PRKN: variants seen among roughly 807,000 people sequenced by gnomAD.
PRKN encodes the protein E3 ubiquitin-protein ligase parkin.
A neutral mutation model predicts 59.5 loss-of-function variants in PRKN; 56 were observed. The ratio of observed to expected loss-of-function variants is 0.94; its 90% CI spans 0.76 to 1.18. PRKN has a LOEUF of 1.18. Ranked by LOEUF, PRKN falls within the 50% of genes most tolerant of loss-of-function variation. PRKN has a pLI of 0.00. For synonymous variants in PRKN, 250 were observed against 222.1 expected (o/e 1.13, Z -1.12); for missense variants, 657 against 596.4 (o/e 1.10, Z -1.06).
intron 3 of PRKN, among the ~76,000 whole-genome samples, chr6:162,204,865 T>C (rs369018775): frequency 1.3e-5 from 2 of 151,682 alleles, no homozygotes; most frequent in Non-Finnish European, 2.9e-5. Flanking sequence ...TTTTTTTTTT[T>C]TCTTTTTTCT....
Position 161,502,305 on chromosome 6 carries a change from A to C in PRKN, c.1083+46549T>G, listed in dbSNP as rs1777992574. Among the ~76,000 whole-genome samples the C allele has an allele frequency of 6.6e-6, 1 of 152,204 alleles. No homozygotes were observed. Among genetic ancestry groups the C allele is most frequent in the Non-Finnish European group, 1.5e-5 (1 of 68,038 alleles). On this transcript the variant is annotated intron_variant, in intron 9 of 11. Transcript: ENST00000366898. The surrounding 1 kb of genome is among the most constrained non-coding windows in gnomAD (Gnocchi z 4.0). ...TAAAGAGATTAAGACGCTGTCAACC[A>C]AGCCAATAACAATATTTTCTCTAAG...
In PRKN at chr6:161,349,517, A is replaced by G. The variant is rs1784439483; in HGVS notation, c.*582T>C. 4.3e-6 allele frequency: 1 copy of G among 233,652 alleles called. No homozygotes were observed. Among genetic ancestry groups the G allele is most frequent in the Admixed American group, 5.5e-5 (1 of 18,032 alleles). The allele number at this position is 233,652 out of a possible 1,614,324, so 14.5% of individuals were successfully genotyped here. ...TAAGGATAAACAAATGTTTTTGACT[A>G]TTGCCTGGGGTTCTTTGGGAATAGA... On this transcript the variant is annotated 3_prime_UTR_variant, in exon 12 of 12. Transcript: ENST00000366898. This position sits in a 1 kb window ranked among gnomAD's most constrained non-coding sequence, Gnocchi z 5.5.
At chr6:161,541,682 G>T (rs1054087547) in intron 9 of PRKN, among the ~76,000 whole-genome samples, 1 of 152,098 alleles carries the variant, frequency 6.6e-6, no homozygotes, top group Non-Finnish European at 1.5e-5. Flanking sequence ...TTAGCTGGGC[G>T]TAGTGGCACG....
In PRKN at chr6:162,578,754, T is replaced by C. The variant is rs527481899; in HGVS notation, c.8-135281A>G. ...ATAGTATATTTTAAGGGCTGTTCAT[T>C]TGACTGCATTTGGTTCATTTAAATT... On this transcript the variant is annotated intron_variant, in intron 1 of 11. Coordinates refer to ENST00000366898, the MANE Select transcript of PRKN (RefSeq NM_004562.3). Among the ~76,000 whole-genome samples the C allele has an allele frequency of 3.3e-5, 5 of 152,350 alleles. No homozygotes were observed. The South Asian group carries it at 1.0e-3, about 32-fold the overall frequency.
Position 161,593,560 on chromosome 6 carries a change from G to C in PRKN, c.872-24144C>G, listed in dbSNP as rs1781801854. Reference sequence around the variant, plus strand: ...GGTGATGGCACCTGGGGGCTGGAAGGTGAGGCCAGCAGGTCTTGCTGGTGG... The same window carrying C: ...GGTGATGGCACCTGGGGGCTGGAAGCTGAGGCCAGCAGGTCTTGCTGGTGG... On this transcript the variant is annotated intron_variant, in intron 7 of 11. Coordinates refer to ENST00000366898, the MANE Select transcript of PRKN (RefSeq NM_004562.3). This position sits in a 1 kb window ranked among gnomAD's most constrained non-coding sequence, Gnocchi z 4.8. Among the ~76,000 whole-genome samples the C allele has an allele frequency of 6.6e-6, 1 of 152,152 alleles. No individual in the cohort carries two copies. Among genetic ancestry groups the C allele is most frequent in the Non-Finnish European group, 1.5e-5 (1 of 68,030 alleles).
rs1359036048 is a variant in PRKN at position 161,550,765 on chromosome 6, G to A, written c.934-1762C>T. 1.3e-5 allele frequency among the ~76,000 whole-genome samples: 2 copies of A among 151,292 alleles called. No individual in the cohort carries two copies. Among genetic ancestry groups the A allele is most frequent in the Admixed American group, 6.6e-5 (1 of 15,188 alleles). Reference sequence around the variant, plus strand: ...TGTGTGTGTGTGTGTGTGTGTGTAGGGAGTTGAGGCATGAAATAATTATTT... The same window carrying A: ...TGTGTGTGTGTGTGTGTGTGTGTAGAGAGTTGAGGCATGAAATAATTATTT... On this transcript the variant is annotated intron_variant, in intron 8 of 11. Transcript: ENST00000366898. This position sits in a 1 kb window ranked among gnomAD's most constrained non-coding sequence, Gnocchi z 4.0.
At position 161,475,559 on chromosome 6, in the gene PRKN, C is replaced by T. The variant is rs7757746; in HGVS notation, c.1083+73295G>A. Among the ~76,000 whole-genome samples the T allele has an allele frequency of 0.077, 11,644 of 152,112 alleles. 652 individuals carry two copies. The highest frequency in any genetic ancestry group is 0.16 in the African/African-American group (6,579 of 41,476). ...CGCTCTGTGGCCCAGGCTGGAGTGC[C>T]GCGGTGCAATACAACTTGCCGCAGT... On this transcript the variant is annotated intron_variant, in intron 9 of 11. Transcript: ENST00000366898. The surrounding 1 kb of genome is among the most constrained non-coding windows in gnomAD (Gnocchi z 5.3).
chr6:162,256,514 G>A (rs1389817027), intron 3 of PRKN, among the ~76,000 whole-genome samples: 1 of 151,992 alleles, frequency 6.6e-6, no homozygotes, highest in Non-Finnish European at 1.5e-5. Context: ...TGCATTTTTG[G>A]CAGACTCTGC....
intron 6 of PRKN, among the ~76,000 whole-genome samples, chr6:161,805,479 C>CACAT (rs67554252): frequency 1.6e-3 from 7 of 4,500 alleles, no homozygotes; most frequent in African/African-American, 1.7e-3. Context: ...CACACACACA[C>CACAT]ATGCATGTAC....
intron 2 of PRKN, among the ~76,000 whole-genome samples, chr6:162,426,345 A>G (rs1297978046): frequency 6.6e-6 from 1 of 152,258 alleles, no homozygotes; most frequent in Non-Finnish European, 1.5e-5. Flanking sequence ...TCATGGGAAT[A>G]CACAACAGGT....
chr6:162,615,916 A>G (rs1583913429), intron 1 of PRKN, among the ~76,000 whole-genome samples: 2 of 152,202 alleles, frequency 1.3e-5, no homozygotes, highest in African/African-American at 4.8e-5. Flanking sequence ...CAGAGTATAT[A>G]AATTAATATT....
Position 162,650,396 on chromosome 6 carries a change from G to C in PRKN, c.7+77266C>G, listed in dbSNP as rs552498373. Among the ~76,000 whole-genome samples the C allele has an allele frequency of 4.4e-3, 671 of 151,938 alleles. 4 individuals are homozygous for C. Among genetic ancestry groups the C allele is most frequent in the African/African-American group, 0.015 (639 of 41,470 alleles). On this transcript the variant is annotated intron_variant, in intron 1 of 11. Transcript: ENST00000366898. ...GCGGATCACGAGGTCAGGAGATCGA[G>C]ACCATCCCGGCTAAAAACGGTGAAA...
At chr6:161,486,218 T>A (rs1791635588) in intron 9 of PRKN, among the ~76,000 whole-genome samples, 1 of 150,928 alleles carries the variant, frequency 6.6e-6, no homozygotes. Context: ...AACACTGATA[T>A]ACCCAGATAA....
intron 7 of PRKN, among the ~76,000 whole-genome samples, chr6:161,666,877 T>C (rs1256859967): frequency 1.3e-5 from 2 of 152,098 alleles, no homozygotes; most frequent in African/African-American, 4.8e-5. Context: ...GAAGATGCCT[T>C]ACACTCCCTA....
In PRKN at chr6:161,671,910, A is replaced by G. The variant is rs185353278; in HGVS notation, c.872-102494T>C. 2.0e-3 allele frequency among the ~76,000 whole-genome samples: 304 copies of G among 152,296 alleles called. 2 individuals carry two copies. Among genetic ancestry groups the G allele is most frequent in the African/African-American group, 7.1e-3 (293 of 41,544 alleles). ...TTTTTTGGTCTCAGTCAGATTTAGT[A>G]CAGACTAATATAAAGTTCTGCTGCT... On this transcript the variant is annotated intron_variant, in intron 7 of 11. Coordinates refer to ENST00000366898, the MANE Select transcript of PRKN (RefSeq NM_004562.3).
chr6:162,599,092 CA>C (rs1163139813), intron 1 of PRKN, among the ~76,000 whole-genome samples: 2 of 152,102 alleles, frequency 1.3e-5, no homozygotes, highest in African/African-American at 4.8e-5. Context: ...TTCCAGTTTC[CA>C]TTTCTGGACA....
chr6:161,541,261 A>G (rs1322281422), intron 9 of PRKN, among the ~76,000 whole-genome samples: 1 of 152,172 alleles, frequency 6.6e-6, no homozygotes, highest in Non-Finnish European at 1.5e-5. Context: ...CTTTTTAATT[A>G]TATTTACTTT....
Position 161,400,260 on chromosome 6 carries a change from A to G in PRKN, c.1084-13383T>C, listed in dbSNP as rs1056883417. Among the ~76,000 whole-genome samples the G allele has an allele frequency of 6.6e-6, 1 of 152,162 alleles. No individual in the cohort carries two copies. The highest frequency in any genetic ancestry group is 2.4e-5 in the African/African-American group (1 of 41,430). Reference sequence around the variant, plus strand: ...CACCTCCAATATTTTAGAAGAAAGTAGGATGAGGTGAGCTGGGGACATGGG... The same window carrying G: ...CACCTCCAATATTTTAGAAGAAAGTGGGATGAGGTGAGCTGGGGACATGGG... On this transcript the variant is annotated intron_variant, in intron 9 of 11. Coordinates refer to ENST00000366898, the MANE Select transcript of PRKN (RefSeq NM_004562.3). This position sits in a 1 kb window ranked among gnomAD's most constrained non-coding sequence, Gnocchi z 4.2.
At chr6:162,136,111 AAT>A (rs1233023633) in intron 4 of PRKN, among the ~76,000 whole-genome samples, 1 of 149,264 alleles carries the variant, frequency 6.7e-6, no homozygotes, top group South Asian at 2.1e-4. Context: ...TGTATATATA[AAT>A]ATATATAAAT....
Sources: allele counts gnomAD v4.1 joint callset (sites outside exome capture counted in the v4.1 genomes callset), GRCh38; gene constraint gnomAD v4.1.1; non-coding constraint Gnocchi (gnomAD v3.1); transcripts MANE v1.5; gene names NCBI Gene and HGNC (gene_info 2026-07-23, HGNC 2026-07-21).